CLEC6A: variants seen among roughly 807,000 people sequenced by gnomAD.
The protein encoded by CLEC6A is C-type lectin domain containing 6A.
In CLEC6A, 22 loss-of-function variants were observed where a neutral mutation model predicts 25.7. That is an observed-to-expected ratio of 0.85 (90% CI 0.61 to 1.22). The LOEUF (loss-of-function observed/expected upper bound fraction) is 1.22. Ranked by LOEUF, CLEC6A falls within the 50% of genes most tolerant of loss-of-function variation. The pLI is 0.00. For missense variants in CLEC6A, 240 were observed against 236.8 expected, an observed-to-expected ratio of 1.01 and a Z score of -0.09; for synonymous variants, 92 against 76.7, an observed-to-expected ratio of 1.20 and a Z score of -1.04.
chr12:8,473,536 A>G (rs1214752227), intron 4 of CLEC6A, among the ~76,000 whole-genome samples: 1 of 152,194 alleles, frequency 6.6e-6, no homozygotes, highest in Non-Finnish European at 1.5e-5. Context: ...TGCAATGAAC[A>G]TATGAGTACA....
chr12:8,467,037 T>C (rs753618202), intron 4 of CLEC6A, among the ~76,000 whole-genome samples: 1 of 152,308 alleles, frequency 6.6e-6, no homozygotes, highest in Admixed American at 6.5e-5. Context: ...TTTTTAACTG[T>C]GTTATTTGTT....
intron 4 of CLEC6A, among the ~76,000 whole-genome samples, chr12:8,471,765 C>T (rs1939909647): frequency 6.6e-6 from 1 of 152,040 alleles, no homozygotes; most frequent in Admixed American, 6.6e-5. Flanking sequence ...CCTTTCTCTT[C>T]TTCACTTTTG....
Position 8,465,571 on chromosome 12 carries a change from A to G in CLEC6A, c.311A>G (p.Glu104Gly). Residue 104 changes from glutamate (E) to glycine (G), a missense_variant, in exon 4 of 6, where the codon GAG (glutamate) becomes GGG (glycine). Coordinates refer to ENST00000382073, the MANE Select transcript of CLEC6A (RefSeq NM_001007033.2). ...GAAGAGAAGGTTTGGTCTAAGAGTG[A>G]GCAGAACTGTGTTGAGATGGGAGCA... is the stretch of plus-strand genomic sequence containing the variant. ...SSEEKVWSKSEQNCVEMGAHL... is the reference protein window; with the variant it reads ...SSEEKVWSKSGQNCVEMGAHL... The G allele has an allele frequency of 6.2e-7, 1 of 1,614,110 alleles. No individual in the cohort carries two copies. The highest frequency in any genetic ancestry group is 8.5e-7 in the Non-Finnish European group (1 of 1,179,972).
chr12:8,457,746 T>C lies in CLEC6A; in HGVS notation c.32-152T>C, dbSNP rs1939695977. On this transcript the variant is annotated intron_variant, in intron 1 of 5. Transcript: ENST00000382073. ...ACCACAGAGCTACTACCTGGTTATTTATTCTGAGGGAGTTTGTAAGCTGTC... is the reference window on the plus strand; with the variant it reads ...ACCACAGAGCTACTACCTGGTTATTCATTCTGAGGGAGTTTGTAAGCTGTC... 1.3e-5 allele frequency: 8 copies of C among 616,908 alleles called. No homozygotes were observed. The South Asian group carries it at 1.6e-4, about 12-fold the overall frequency. The allele number at this position is 616,908 out of a possible 1,614,324, so 38.2% of individuals were successfully genotyped here.
intron 4 of CLEC6A, among the ~76,000 whole-genome samples, chr12:8,467,253 C>G (rs755580757): frequency 6.6e-6 from 1 of 152,100 alleles, no homozygotes; most frequent in Admixed American, 6.5e-5. Flanking sequence ...GGTTTCATAT[C>G]CAATACATTG....
chr12:8,470,858 T>G (rs1939896472), intron 4 of CLEC6A, among the ~76,000 whole-genome samples: 2 of 152,054 alleles, frequency 1.3e-5, no homozygotes, highest in African/African-American at 4.8e-5. Flanking sequence ...AACTTATTCA[T>G]GTAACCAAAC....
At position 8,477,489 on chromosome 12, in the gene CLEC6A, G is replaced by A. The variant is rs199626477; in HGVS notation, c.*25G>A. ...AGTAGAAGCTTAATTGGAAAGAAGA[G>A]AAGAATTACTGACGTAATTTTTTCC... is the stretch of plus-strand genomic sequence containing the variant. On this transcript the variant is annotated 3_prime_UTR_variant, in exon 6 of 6. Coordinates refer to ENST00000382073, the MANE Select transcript of CLEC6A (RefSeq NM_001007033.2). 3.3e-4 allele frequency: 508 copies of A among 1,561,022 alleles called. No homozygotes were observed. The highest frequency in any genetic ancestry group is 4.2e-4 in the Non-Finnish European group (486 of 1,153,814).
chr12:8,469,037 C>A (rs370513409), intron 4 of CLEC6A, among the ~76,000 whole-genome samples: 87 of 152,064 alleles, frequency 5.7e-4, no homozygotes, highest in African/African-American at 1.7e-3. Context: ...CCTAGAAAAC[C>A]CTAAAGACTC....
chr12:8,475,350 G>A (rs1431534076), intron 4 of CLEC6A, among the ~76,000 whole-genome samples: 3 of 151,584 alleles, frequency 2.0e-5, no homozygotes, highest in East Asian at 1.9e-4. Context: ...ATGTATGTGT[G>A]TGTGTGTGTG....
At chr12:8,460,423 G>A (rs753031741) in intron 3 of CLEC6A, among the ~76,000 whole-genome samples, 25 of 152,238 alleles carry the variant, frequency 1.6e-4, no homozygotes, top group Non-Finnish European at 2.2e-4. Context: ...ATTCACTACC[G>A]GGAGAACAGT....
intron 3 of CLEC6A, among the ~76,000 whole-genome samples, chr12:8,464,234 T>A (rs190110898): frequency 7.9e-5 from 12 of 152,260 alleles, no homozygotes; most frequent in African/African-American, 2.6e-4. Context: ...AATAGAACTA[T>A]ATGTAATAAC....
intron 4 of CLEC6A, among the ~76,000 whole-genome samples, chr12:8,469,035 A>G (rs928825857): frequency 6.6e-6 from 1 of 152,144 alleles, no homozygotes; most frequent in African/African-American, 2.4e-5. Context: ...TACCTAGAAA[A>G]CCCTAAAGAC....
At chr12:8,457,627 C>G (rs4638374) in intron 1 of CLEC6A, among the ~76,000 whole-genome samples, 114,369 of 152,074 alleles carry the variant, frequency 0.75, 43,442 homozygotes, top group East Asian at 0.99. Context: ...TTTTGAGAAA[C>G]GAAATCAATG....
chr12:8,477,351 G>A lies in CLEC6A; in HGVS notation c.517G>A (p.Ala173Thr). 1 of 1,611,472 alleles carries A rather than the reference G, an allele frequency of 6.2e-7. No homozygotes were observed. The highest frequency in any genetic ancestry group is 1.1e-5 in the South Asian group (1 of 90,794). ...FWHLGEPNHS[A>T]EQCASIVFWK... ...GCACCTAGGTGAGCCCAATCATTCT[G>A]CAGAGCAATGTGCTTCAATAGTCTT... Residue 173 changes from alanine (A) to threonine (T), a missense_variant, in exon 6 of 6, where the codon GCA (alanine) becomes ACA (threonine). Coordinates refer to ENST00000382073, the MANE Select transcript of CLEC6A (RefSeq NM_001007033.2).
At chr12:8,456,268 G>T in intron 1 of CLEC6A, 126 bp downstream of exon 1, 1 of 825,962 alleles carries the variant, frequency 1.2e-6, no homozygotes. Flanking sequence ...AGACTCAAAG[G>T]AATTTGAAAG....
chr12:8,463,767 C>T (rs944226242), intron 3 of CLEC6A, among the ~76,000 whole-genome samples: 1 of 152,192 alleles, frequency 6.6e-6, no homozygotes, highest in Admixed American at 6.5e-5. Flanking sequence ...ATGATTTACA[C>T]CTGCTACTTT....
At chr12:8,476,078 A>G (rs765953064) in intron 4 of CLEC6A, 47 bp from the exon 5 acceptor site, 5 of 1,257,826 alleles carry the variant, frequency 4.0e-6, no homozygotes, top group African/African-American at 3.0e-5. Context: ...ACTCTGTTCA[A>G]TCTGGAAATA....
intron 2 of CLEC6A, among the ~76,000 whole-genome samples, chr12:8,459,177 A>T (rs993796204): frequency 6.6e-6 from 1 of 151,916 alleles, no homozygotes; most frequent in Non-Finnish European, 1.5e-5. Flanking sequence ...GTTTGTGATT[A>T]AAAAAAATTA....
In CLEC6A at chr12:8,465,649, T is replaced by A. The variant is rs761597811; in HGVS notation, c.369+20T>A. ...GAGCAGGTACTGTTTCCATTTAAAA[T>A]TTATTTAATTGTAGAGAAAACACAC... is the stretch of plus-strand genomic sequence containing the variant. On this transcript the variant is annotated intron_variant, in intron 4 of 5. Transcript: ENST00000382073. 1 of 1,597,520 alleles carries A rather than the reference T, an allele frequency of 6.3e-7. No homozygotes were observed. Among genetic ancestry groups the A allele is most frequent in the Non-Finnish European group, 8.5e-7 (1 of 1,171,430 alleles).
Sources: allele counts gnomAD v4.1 joint callset (sites outside exome capture counted in the v4.1 genomes callset), GRCh38; gene constraint gnomAD v4.1.1; transcripts MANE v1.5; gene names NCBI Gene and HGNC (gene_info 2026-07-23, HGNC 2026-07-21).